DENND2B: variants seen among roughly 807,000 people sequenced by gnomAD.
DENND2B encodes DENN domain containing 2B, also known as DENN domain-containing protein 2B.
A neutral mutation model predicts 116.0 loss-of-function variants in DENND2B; 32 were observed. The ratio of observed to expected loss-of-function variants is 0.28; its 90% CI spans 0.21 to 0.37. The LOEUF is 0.37. Among genes scored for constraint, DENND2B ranks in the 10% least tolerant of loss-of-function variants. The probability of loss-of-function intolerance (pLI) is 1.00; values close to 1 mark genes in which losing one functional copy is unlikely to be tolerated. For synonymous variants in DENND2B, 588 were observed against 583.9 expected (o/e 1.01, Z -0.10); for missense variants, 1,276 against 1,477.7 (o/e 0.86, Z 2.24).
chr11:8,897,032 A>C (rs2064110499), intron 1 of DENND2B, among the ~76,000 whole-genome samples: 1 of 152,234 alleles, frequency 6.6e-6, no homozygotes, highest in South Asian at 2.1e-4. Context: ...TGAGGTCAGC[A>C]GTTCAAGACC....
At chr11:8,797,871 A>G (rs1593842773) in intron 1 of DENND2B, among the ~76,000 whole-genome samples, 1 of 151,938 alleles carries the variant, frequency 6.6e-6, no homozygotes, top group East Asian at 1.9e-4. Flanking sequence ...CTTGCTCCCT[A>G]CATTCTAACA....
chr11:8,892,595 A>G lies in DENND2B; in HGVS notation c.-255-11486T>C, dbSNP rs567640594. ...CACCGATCCCACAGAAATACAAACT[A>G]CCATCAGAGAATACTATAAACACCT... On this transcript the variant is annotated intron_variant, in intron 1 of 22. Transcript: ENST00000534127. Among the ~76,000 whole-genome samples the G allele has an allele frequency of 2.6e-5, 4 of 152,342 alleles. No individual in the cohort carries two copies. In the South Asian group the frequency reaches 8.3e-4, roughly 32 times the overall value.
chr11:8,696,978 C>T (rs2040472068), intron 17 of DENND2B, among the ~76,000 whole-genome samples: 2 of 152,202 alleles, frequency 1.3e-5, no homozygotes. Context: ...GTTAGCCAGG[C>T]TGGTCTCGAA....
At chr11:8,822,169 T>C (rs1339335708) in intron 4 of DENND2B, among the ~76,000 whole-genome samples, 1 of 143,724 alleles carries the variant, frequency 7.0e-6, no homozygotes, top group Non-Finnish European at 1.5e-5. Context: ...AAATAGACAT[T>C]CTACATATTT....
chr11:8,757,936 T>C (rs1050815809), intron 1 of DENND2B, among the ~76,000 whole-genome samples: 1 of 152,188 alleles, frequency 6.6e-6, no homozygotes, highest in South Asian at 2.1e-4. Context: ...TCAGAGAAAT[T>C]AAATGACTGG....
Position 8,712,053 on chromosome 11 carries a change from CAG to C in DENND2B, c.2172+496_2172+497del. ...AGCACATTCCTGGCAGAGGCAATGG[CAG>C]AGAGAGAGGGGTTGAGTGTGAGAGG... On this transcript the variant is annotated intron_variant, in intron 9 of 19. Transcript: ENST00000313726. The surrounding 1 kb of genome is among the most constrained non-coding windows in gnomAD (Gnocchi z 4.4). 9 of 452,282 alleles carry C rather than the reference CAG, an allele frequency of 2.0e-5. No individual in the cohort carries two copies. Among genetic ancestry groups the C allele is most frequent in the South Asian group, 3.1e-5 (2 of 64,172 alleles). 28.0% of individuals were successfully genotyped at this position (452,282 alleles called of 1,614,324 possible).
chr11:8,833,419 G>C (rs1193386049), intron 4 of DENND2B, among the ~76,000 whole-genome samples: 1 of 152,118 alleles, frequency 6.6e-6, no homozygotes, highest in Non-Finnish European at 1.5e-5. Context: ...TGCAAGGAAA[G>C]GGCAATTCCT....
At chr11:8,823,815 C>G (rs2061857777) in intron 4 of DENND2B, among the ~76,000 whole-genome samples, 1 of 152,142 alleles carries the variant, frequency 6.6e-6, no homozygotes, top group Non-Finnish European at 1.5e-5. Context: ...CCTTGCATCC[C>G]AGGGATAAAT....
At position 8,699,363 on chromosome 11, in the gene DENND2B, C is replaced by T. The variant is rs1484317588; in HGVS notation, c.2748G>A (p.Val916=). The T allele has an allele frequency of 6.2e-7, 1 of 1,605,860 alleles. No individual in the cohort carries two copies. Among genetic ancestry groups the T allele is most frequent in the Non-Finnish European group, 8.5e-7 (1 of 1,178,006 alleles). Residue 916 remains valine, a synonymous_variant, in exon 15 of 20, where the codon GTG becomes GTA. Transcript: ENST00000313726. The part of the protein sequence containing the change: ...LSTLSSCSHA[V]VALLYPFSWQ... ...AGGAGAAGGGGTAGAGCAAGGCCAC[C>T]ACCGCGTGGGAGCAGCTGGAGAGGG...
chr11:8,716,095 G>A (rs1308361830), intron 5 of DENND2B, among the ~76,000 whole-genome samples: 1 of 152,224 alleles, frequency 6.6e-6, no homozygotes, highest in African/African-American at 2.4e-5. Flanking sequence ...AGTGGAAAAA[G>A]AAGACTAAGT....
chr11:8,809,347 A>G (rs2061177447), intron 1 of DENND2B: 1 of 152,232 alleles, frequency 6.6e-6, no homozygotes, highest in Non-Finnish European at 1.5e-5. Context: ...TTCTGTTCAG[A>G]AAGTTCAAGA....
intron 2 of DENND2B, among the ~76,000 whole-genome samples, chr11:8,746,060 T>C (rs1047349822): frequency 6.6e-6 from 1 of 151,574 alleles, no homozygotes. Context: ...ACTGACAGCA[T>C]CATGGTTGGA....
chr11:8,794,426 A>G (rs2059641958), intron 1 of DENND2B, among the ~76,000 whole-genome samples: 1 of 152,222 alleles, frequency 6.6e-6, no homozygotes, highest in African/African-American at 2.4e-5. Context: ...CACTGAGGCT[A>G]CAGGAGCCCC....
At chr11:8,718,011 C>A (rs1004615460) in intron 4 of DENND2B, 119 bp from the exon 5 acceptor site, 1 of 1,172,094 alleles carries the variant, frequency 8.5e-7, no homozygotes, top group Non-Finnish European at 1.2e-6. Flanking sequence ...TTCTGCCTGG[C>A]CCCTCAGCTC....
rs775970392 is a variant in DENND2B, at chr11:8,729,933, G to A, written c.1340+17C>T. 1.2e-5 allele frequency: 20 copies of A among 1,612,352 alleles called. No homozygotes were observed. The highest frequency in any genetic ancestry group is 6.7e-5 in the Admixed American group (4 of 59,936). On this transcript the variant is annotated intron_variant, in intron 3 of 19. Transcript: ENST00000313726. Reference sequence around the variant, plus strand: ...CCACGGTATTCAGCTACAACACACCGGAGGGGCATGCATTACCTGCTCTGG... The same window carrying A: ...CCACGGTATTCAGCTACAACACACCAGAGGGGCATGCATTACCTGCTCTGG...
At chr11:8,810,924 C>T (rs564713253), upstream of DENND2B, 1 of 197,576 alleles carries the variant, frequency 5.1e-6, no homozygotes, top group Admixed American at 6.0e-5. Context: ...ACCTCCCTTC[C>T]AGTCCAACAG....
chr11:8,693,367 C>G lies in DENND2B; in HGVS notation c.*729G>C, dbSNP rs1385071152. On this transcript the variant is annotated 3_prime_UTR_variant, in exon 20 of 20. Coordinates refer to ENST00000313726, the MANE Select transcript of DENND2B (RefSeq NM_213618.2). ...CACATGAGGCTCTGGGCCCAAACAA[C>G]TGTACATTGTTTATTGAGAACACCC... 3 of 152,754 alleles carry G rather than the reference C, an allele frequency of 2.0e-5. No individual in the cohort carries two copies. The highest frequency in any genetic ancestry group is 4.1e-4 in the South Asian group (2 of 4,836). The allele number at this position is 152,754 out of a possible 1,614,324, so 9.5% of individuals were successfully genotyped here. A position where few individuals can be genotyped will look rare whatever the true frequency, so the allele number is the denominator to read the frequency against.
chr11:8,880,311 A>G (rs1010841305), intron 2 of DENND2B, among the ~76,000 whole-genome samples: 3 of 150,754 alleles, frequency 2.0e-5, no homozygotes, highest in Admixed American at 2.0e-4. Flanking sequence ...CAAAAAGCCT[A>G]GGTTACAGAT....
At chr11:8,700,799 T>A (rs73410007) in intron 14 of DENND2B, among the ~76,000 whole-genome samples, 5 of 152,266 alleles carry the variant, frequency 3.3e-5, no homozygotes, top group African/African-American at 1.2e-4. Flanking sequence ...AGTTTTTGTT[T>A]CCTTTTTTTA....
Sources: gnomAD v4.1 joint callset for allele counts (sites outside exome capture counted in the v4.1 genomes callset) on GRCh38, gnomAD v4.1.1 for gene constraint, Gnocchi (gnomAD v3.1) non-coding constraint, MANE v1.5 for transcripts, NCBI Gene and HGNC (gene_info 2026-07-23, HGNC 2026-07-21) for gene names.